CDH13: variants seen among roughly 807,000 people sequenced by gnomAD.
CDH13 encodes cadherin-13.
CDH13 carries 24 observed loss-of-function variants against 63.8 expected under a neutral mutation model. The observed-to-expected ratio is 0.38, with a 90% CI of 0.27 to 0.53. The LOEUF (loss-of-function observed/expected upper bound fraction) is 0.53. Among genes scored for constraint, CDH13 ranks in the 20% least tolerant of loss-of-function variants. CDH13 has a pLI of 0.85. For missense variants in CDH13, 1,049 were observed against 903.1 expected, an observed-to-expected ratio of 1.16 and a Z score of -2.07; for synonymous variants, 503 against 355.3, an observed-to-expected ratio of 1.42 and a Z score of -4.67.
intron 6 of CDH13, among the ~76,000 whole-genome samples, chr16:83,412,549 A>G (rs938644278): frequency 1.3e-5 from 2 of 152,236 alleles, no homozygotes; most frequent in Non-Finnish European, 2.9e-5. Flanking sequence ...CACCTTAGTG[A>G]TACTGATGCA....
At chr16:83,092,710 G>A (rs908054317) in intron 3 of CDH13, among the ~76,000 whole-genome samples, 13 of 152,024 alleles carry the variant, frequency 8.6e-5, no homozygotes, top group South Asian at 4.2e-4. Flanking sequence ...TGGAAATTCA[G>A]GTACATCCAG....
At chr16:83,403,439 C>T (rs531048160) in intron 6 of CDH13, among the ~76,000 whole-genome samples, 62 of 152,066 alleles carry the variant, frequency 4.1e-4, no homozygotes, top group South Asian at 1.7e-3. Context: ...CTGGCTAACA[C>T]GGTGAAACCC....
intron 5 of CDH13, among the ~76,000 whole-genome samples, chr16:83,264,510 G>A (rs1349078167): frequency 4.0e-5 from 6 of 150,682 alleles, no homozygotes; most frequent in Non-Finnish European, 7.4e-5. Flanking sequence ...ACATGTATGT[G>A]TGTGTATATG....
intron 2 of CDH13, among the ~76,000 whole-genome samples, chr16:83,002,216 G>T (rs929798973): frequency 2.0e-5 from 3 of 152,188 alleles, no homozygotes; most frequent in Admixed American, 6.5e-5. Context: ...GAGGAGCCTG[G>T]ATTATCTGGG....
intron 6 of CDH13, among the ~76,000 whole-genome samples, chr16:83,470,158 C>T (rs1463709544): frequency 6.6e-6 from 1 of 152,126 alleles, no homozygotes; most frequent in Non-Finnish European, 1.5e-5. Flanking sequence ...TTGACATTCA[C>T]CTATCCCTCT....
intron 6 of CDH13, among the ~76,000 whole-genome samples, chr16:83,467,957 C>A (rs1390093581): frequency 6.6e-6 from 1 of 152,150 alleles, no homozygotes; most frequent in East Asian, 1.9e-4. Flanking sequence ...AGGTTAGAAG[C>A]AAAGTTGCCT....
chr16:82,879,470 A>T (rs967052372), intron 2 of CDH13, among the ~76,000 whole-genome samples: 6 of 145,694 alleles, frequency 4.1e-5, no homozygotes, highest in Non-Finnish European at 7.5e-5. Context: ...TATATTAAAT[A>T]AATATAAAAT....
chr16:83,029,113 G>C (rs1488192299), intron 2 of CDH13, among the ~76,000 whole-genome samples: 1 of 152,178 alleles, frequency 6.6e-6, no homozygotes, highest in East Asian at 1.9e-4. Context: ...AAAGTGTGTA[G>C]CACCTACCCT....
intron 4 of CDH13, among the ~76,000 whole-genome samples, chr16:83,138,257 ATG>A (rs2036382834): frequency 6.6e-6 from 1 of 152,160 alleles, no homozygotes; most frequent in Non-Finnish European, 1.5e-5. Context: ...AGCAACTACT[ATG>A]TGTCAAGCAC....
chr16:82,950,695 C>T (rs1374857722), intron 2 of CDH13, among the ~76,000 whole-genome samples: 1 of 152,090 alleles, frequency 6.6e-6, no homozygotes, highest in East Asian at 1.9e-4. Flanking sequence ...TGGACTAATA[C>T]AGGATACCAG....
At chr16:83,230,605 G>C (rs2039973726) in intron 5 of CDH13, among the ~76,000 whole-genome samples, 1 of 152,168 alleles carries the variant, frequency 6.6e-6, no homozygotes, top group African/African-American at 2.4e-5. Flanking sequence ...GGCAAGAGTG[G>C]CCAAAACCCC....
In CDH13 at chr16:82,667,974, G is replaced by A. The variant is rs1431020501; in HGVS notation, c.45+40837G>A. 5.9e-5 allele frequency among the ~76,000 whole-genome samples: 9 copies of A among 152,190 alleles called. No homozygotes were observed. The East Asian group carries it at 7.7e-4, about 13-fold the overall frequency. ...TGACCTAATATTAACACAGGTTCTC[G>A]TCTCTACTTGAATGTTACGCATCTA... On this transcript the variant is annotated intron_variant, in intron 1 of 13. Coordinates refer to ENST00000567109, the MANE Select transcript of CDH13 (RefSeq NM_001257.5).
At chr16:83,544,446 A>T (rs1208050886) in intron 7 of CDH13, among the ~76,000 whole-genome samples, 1 of 152,156 alleles carries the variant, frequency 6.6e-6, no homozygotes, top group Non-Finnish European at 1.5e-5. Context: ...TTTAATACAC[A>T]TAACCTGCTA....
intron 1 of CDH13, among the ~76,000 whole-genome samples, chr16:82,856,108 G>GGC (rs1442514648): frequency 5.9e-5 from 9 of 152,088 alleles, no homozygotes; most frequent in Non-Finnish European, 1.2e-4. Context: ...CGGGCACGGT[G>GGC]GCTCACACCT....
At chr16:82,831,798 C>G (rs1311244502) in intron 1 of CDH13, among the ~76,000 whole-genome samples, 2 of 152,134 alleles carry the variant, frequency 1.3e-5, no homozygotes, top group Non-Finnish European at 2.9e-5. Context: ...GACTTGGCCC[C>G]TTTGGTTTTT....
At chr16:83,532,484 G>A (rs868293908) in intron 7 of CDH13, among the ~76,000 whole-genome samples, 5 of 152,200 alleles carry the variant, frequency 3.3e-5, no homozygotes, top group Non-Finnish European at 7.4e-5. Flanking sequence ...TTCCCAGAGA[G>A]ACAGTGAGCT....
intron 7 of CDH13, among the ~76,000 whole-genome samples, chr16:83,568,247 G>A (rs951063892): frequency 2.0e-5 from 3 of 152,142 alleles, no homozygotes; most frequent in Non-Finnish European, 4.4e-5. Context: ...CTGTCGAGAT[G>A]AAAAATGAAG....
At chr16:83,345,048 G>T in intron 6 of CDH13, 42 bp downstream of exon 6, 5 of 1,601,098 alleles carry the variant, frequency 3.1e-6, no homozygotes, top group Non-Finnish European at 4.3e-6. Context: ...GGCTTGGAAA[G>T]AGGCACACTT....
chr16:82,917,223 T>A (rs2042017158), intron 2 of CDH13, among the ~76,000 whole-genome samples: 1 of 152,180 alleles, frequency 6.6e-6, no homozygotes. Flanking sequence ...TAGCAGGTCC[T>A]GTGGAGCCGA....
Sources: gnomAD v4.1 joint callset for allele counts (sites outside exome capture counted in the v4.1 genomes callset) on GRCh38, gnomAD v4.1.1 for gene constraint, MANE v1.5 for transcripts, NCBI Gene and HGNC (gene_info 2026-07-23, HGNC 2026-07-21) for gene names.